PDE10A: variants seen among roughly 807,000 people sequenced by gnomAD.
PDE10A encodes phosphodiesterase 10A, also known as cAMP and cAMP-inhibited cGMP 3',5'-cyclic phosphodiesterase 10A.
A neutral mutation model predicts 97.7 loss-of-function variants in PDE10A; 39 were observed. That is an observed-to-expected ratio of 0.40 (90% CI 0.31 to 0.52). The LOEUF is 0.52. PDE10A is among the 20% of genes least tolerant of loss of function. The pLI is 0.56. For missense variants in PDE10A, 731 were observed against 1,047.8 expected, an observed-to-expected ratio of 0.70 and a Z score of 4.17; for synonymous variants, 371 against 376.8, an observed-to-expected ratio of 0.98 and a Z score of 0.18.
At chr6:165,584,430 A>T (rs1218358779) in intron 1 of PDE10A, among the ~76,000 whole-genome samples, 1 of 152,104 alleles carries the variant, frequency 6.6e-6, no homozygotes, top group African/African-American at 2.4e-5. Flanking sequence ...AGGCCCATAA[A>T]GACGCAGGAG....
Position 165,332,787 on chromosome 6 carries a change from C to A in PDE10A, c.*238G>T. The A allele has an allele frequency of 4.2e-6, 2 of 477,236 alleles. No individual in the cohort carries two copies. Among genetic ancestry groups the A allele is most frequent in the African/African-American group, 2.0e-5 (1 of 50,074 alleles). The allele number at this position is 477,236 out of a possible 1,614,324, so 29.6% of individuals were successfully genotyped here. On this transcript the variant is annotated 3_prime_UTR_variant, in exon 22 of 22. Transcript: ENST00000539869. ...TTGCAAGTCAAATGGAGTCACTTGG[C>A]CAGCTGATTTCTGAACGTGGGGGTG...
chr6:165,957,625 A>G (rs1041819069), intron 1 of PDE10A, among the ~76,000 whole-genome samples: 1 of 152,204 alleles, frequency 6.6e-6, no homozygotes, highest in African/African-American at 2.4e-5. Flanking sequence ...TTTGACTCCA[A>G]AGCCCATGGG....
intron 3 of PDE10A, among the ~76,000 whole-genome samples, chr6:165,476,236 G>T (rs1312488467): frequency 6.6e-6 from 1 of 151,982 alleles, no homozygotes; most frequent in East Asian, 1.9e-4. Context: ...AGCGAATTTG[G>T]GATGTCGTGT....
intron 1 of PDE10A, among the ~76,000 whole-genome samples, chr6:165,786,041 G>A (rs951997270): frequency 6.6e-6 from 1 of 152,208 alleles, no homozygotes; most frequent in African/African-American, 2.4e-5. Flanking sequence ...TATTCACAAT[G>A]AGTTGCGACT....
intron 1 of PDE10A, among the ~76,000 whole-genome samples, chr6:165,792,474 C>T (rs1419972974): frequency 6.6e-6 from 1 of 152,188 alleles, no homozygotes; most frequent in African/African-American, 2.4e-5. Context: ...CTTCTCAGGG[C>T]ACTTGGTTCC....
intron 1 of PDE10A, among the ~76,000 whole-genome samples, chr6:165,676,898 A>G (rs1036837811): frequency 6.6e-6 from 1 of 152,158 alleles, no homozygotes; most frequent in Non-Finnish European, 1.5e-5. Context: ...ACGCACTCAC[A>G]GCATGGCTGG....
At chr6:165,760,779 A>C (rs757984322) in intron 1 of PDE10A, among the ~76,000 whole-genome samples, 1 of 152,156 alleles carries the variant, frequency 6.6e-6, no homozygotes, top group Non-Finnish European at 1.5e-5. Context: ...AGTTCATAGA[A>C]ATTAAGTGAC....
At chr6:165,469,378 C>A (rs1407568353) in intron 3 of PDE10A, among the ~76,000 whole-genome samples, 1 of 152,164 alleles carries the variant, frequency 6.6e-6, no homozygotes, top group African/African-American at 2.4e-5. Flanking sequence ...AGGAAGCCAA[C>A]ATGCTTAGGA....
At chr6:165,474,418 A>C (rs1779179970) in intron 3 of PDE10A, among the ~76,000 whole-genome samples, 1 of 152,236 alleles carries the variant, frequency 6.6e-6, no homozygotes, top group Non-Finnish European at 1.5e-5. Context: ...ACATTCCTTA[A>C]AGAAGTAATG....
At chr6:165,567,121 A>G (rs1784814686) in intron 1 of PDE10A, among the ~76,000 whole-genome samples, 1 of 152,112 alleles carries the variant, frequency 6.6e-6, no homozygotes, top group African/African-American at 2.4e-5. Flanking sequence ...TAATGAGAAC[A>G]AACTATTCAG....
intron 2 of PDE10A, among the ~76,000 whole-genome samples, chr6:165,542,130 T>C (rs1783478220): frequency 6.6e-6 from 1 of 152,180 alleles, no homozygotes; most frequent in Non-Finnish European, 1.5e-5. Flanking sequence ...ATATAAAAGT[T>C]ATACAACAAA....
At chr6:165,525,417 T>C (rs138294339) in intron 2 of PDE10A, among the ~76,000 whole-genome samples, 1 of 152,220 alleles carries the variant, frequency 6.6e-6, no homozygotes, top group Non-Finnish European at 1.5e-5. Flanking sequence ...AAAAATGGCC[T>C]ACTATGAGGA....
At chr6:165,653,810 C>G (rs1251720896) in intron 1 of PDE10A, among the ~76,000 whole-genome samples, 2 of 149,206 alleles carry the variant, frequency 1.3e-5, no homozygotes, top group Non-Finnish European at 3.0e-5. Flanking sequence ...CCACGCCTTC[C>G]CCCAATGCAA....
At chr6:165,551,617 G>A (rs1035494681) in intron 1 of PDE10A, among the ~76,000 whole-genome samples, 1 of 152,238 alleles carries the variant, frequency 6.6e-6, no homozygotes, top group Admixed American at 6.5e-5. Context: ...GGGTTGGAAT[G>A]AAGATATAAG....
intron 3 of PDE10A, among the ~76,000 whole-genome samples, chr6:165,474,892 A>G (rs761891298): frequency 1.3e-5 from 2 of 152,164 alleles, no homozygotes; most frequent in South Asian, 2.1e-4. Flanking sequence ...AAAGAGAAAA[A>G]AGCAAGAGAG....
intron 1 of PDE10A, among the ~76,000 whole-genome samples, chr6:165,652,577 C>A (rs1236466431): frequency 6.6e-6 from 1 of 152,172 alleles, no homozygotes; most frequent in African/African-American, 2.4e-5. Flanking sequence ...TATACAATAA[C>A]TACAACTTGA....
intron 1 of PDE10A, among the ~76,000 whole-genome samples, chr6:165,545,566 G>C (rs1239599767): frequency 6.6e-6 from 1 of 151,878 alleles, no homozygotes; most frequent in East Asian, 1.9e-4. Context: ...AAAAACACTC[G>C]TTAAACTCAA....
rs542017610 is a variant in PDE10A at position 165,549,616 on chromosome 6, G to T, written c.866-6048C>A. Among the ~76,000 whole-genome samples, 3 of 152,256 alleles carry T rather than the reference G, an allele frequency of 2.0e-5. No homozygotes were observed. In the South Asian group the frequency reaches 6.2e-4, roughly 32 times the overall value. ...TGGGATCACAGACGTGAGCCACCATGCGCGGCTGCATTATTATGTTTTAAA... is the reference window on the plus strand; with the variant it reads ...TGGGATCACAGACGTGAGCCACCATTCGCGGCTGCATTATTATGTTTTAAA... On this transcript the variant is annotated intron_variant, in intron 1 of 21. Coordinates refer to ENST00000539869, the MANE Select transcript of PDE10A (RefSeq NM_001385079.1).
intron 1 of PDE10A, among the ~76,000 whole-genome samples, chr6:165,701,753 A>T (rs1371925264): frequency 2.0e-5 from 3 of 151,048 alleles, no homozygotes; most frequent in African/African-American, 7.3e-5. Flanking sequence ...GCATGTGTGT[A>T]TGTTTGCATG....
Sources: allele counts gnomAD v4.1 joint callset (sites outside exome capture counted in the v4.1 genomes callset), GRCh38; gene constraint gnomAD v4.1.1; transcripts MANE v1.5; gene names NCBI Gene and HGNC (gene_info 2026-07-23, HGNC 2026-07-21).